The following GAREM2 variants were observed in gnomAD, a reference collection of about 807,000 sequenced individuals.
GAREM2 encodes the protein GRB2 associated regulator of MAPK1 subtype 2, also known as GRB2-associated and regulator of MAPK protein 2.
Under a neutral mutation model 55.6 loss-of-function variants are expected in GAREM2, and 30 were observed. The observed-to-expected ratio is 0.54, with a 90% confidence interval of 0.40 to 0.73. The LOEUF is 0.73. GAREM2 is among the 30% of genes least tolerant of loss of function. The pLI is 0.00. For synonymous variants in GAREM2, 550 were observed against 569.1 expected (o/e 0.97, Z 0.48); for missense variants, 1,075 against 1,257.7 (o/e 0.85, Z 2.20).
chr2:26,178,270 T>TA (rs1668927558), intron 2 of GAREM2, among the ~76,000 whole-genome samples: 1 of 152,138 alleles, frequency 6.6e-6, no homozygotes, highest in Non-Finnish European at 1.5e-5. Flanking sequence ...CTTCTTGGGA[T>TA]AAAAAAAGCA....
At position 26,184,666 on chromosome 2, in the gene GAREM2, C is replaced by A; in HGVS notation, c.818C>A (p.Pro273Gln). The A allele has an allele frequency of 6.5e-7, 1 of 1,544,048 alleles. No individual in the cohort carries two copies. Among genetic ancestry groups the A allele is most frequent in the Non-Finnish European group, 8.7e-7 (1 of 1,144,410 alleles). Reference sequence around the variant, plus strand: ...GTGAACGTGCTGGTGCCCAGCCGGCCGCCGCGCAACCCCTACGACCTGCAC... The same window carrying A: ...GTGAACGTGCTGGTGCCCAGCCGGCAGCCGCGCAACCCCTACGACCTGCAC... Reference protein sequence around the residue: ...LPVNVLVPSRPPRNPYDLHPV... With the variant: ...LPVNVLVPSRQPRNPYDLHPV... Residue 273 changes from proline (P) to glutamine (Q), a missense_variant, in exon 4 of 6, where the codon CCG (proline) becomes CAG (glutamine). Transcript: ENST00000401533.
At chr2:26,193,799 CAG>C (rs763015114), downstream of GAREM2, 12 of 1,596,800 alleles carry the variant, frequency 7.5e-6, no homozygotes, top group African/African-American at 2.7e-5. Context: ...GCAGGGACCT[CAG>C]GGGAAGGGCA....
chr2:26,187,851 C>T lies in GAREM2; in HGVS notation c.2219C>T (p.Ser740Phe). 1 of 1,440,850 alleles carries T rather than the reference C, an allele frequency of 6.9e-7. No homozygotes were observed. The highest frequency in any genetic ancestry group is 9.2e-7 in the Non-Finnish European group (1 of 1,091,998). 89.3% of individuals were successfully genotyped at this position (1,440,850 alleles called of 1,614,324 possible). ...CCCCGCCTTTCACCACTTGGCCCCT[C>T]CAAGGCCTTTGAGCCTGAAGGTTTG... The part of the protein sequence containing the change: ...PGPRLSPLGP[S>F]KAFEPEGLVL... Residue 740 changes from serine (S) to phenylalanine (F), a missense_variant, in exon 6 of 6, where the codon TCC becomes TTC. Ser to Phe is a radical substitution (Grantham distance 155). This residue lies in a region of GAREM2 where 15 missense variants were observed against 31.0 expected (regional missense o/e 0.48). Transcript: ENST00000401533.
intron 4 of GAREM2, among the ~76,000 whole-genome samples, chr2:26,185,772 C>T (rs1669231766): frequency 1.3e-5 from 2 of 152,178 alleles, no homozygotes; most frequent in Admixed American, 6.5e-5. Context: ...CCCATGGAGT[C>T]CTCTTTGGGG....
At chr2:26,197,584 G>A in the GAREM2 span, 66 of 748,540 alleles carry the variant, frequency 8.8e-5, no homozygotes, top group South Asian at 7.4e-4. Flanking sequence ...GGAACCACCC[G>A]CATCCACTCC....
rs372621978 is a variant in GAREM2, at chr2:26,187,510, G to C, written c.1878G>C (p.Pro626=). 6.5e-7 allele frequency: 1 copy of C among 1,541,224 alleles called. No homozygotes were observed. Among genetic ancestry groups the C allele is most frequent in the Admixed American group, 2.0e-5 (1 of 48,996 alleles). ...CACATCCCCAGAAGCGCTTTGCTCC[G>C]TTTGGAGCTCTCAACCCTTTTTCCG... ...KPSHPQKRFA[P]FGALNPFSGP... The change falls in exon 6 of 6, where the codon CCG becomes CCC. Residue 626 remains proline, a synonymous_variant. Coordinates refer to ENST00000401533, the MANE Select transcript of GAREM2 (RefSeq NM_001168241.2).
At chr2:26,195,968 G>GA in the GAREM2 span, among the ~76,000 whole-genome samples, 32 of 152,350 alleles carry the variant, frequency 2.1e-4, no homozygotes, top group African/African-American at 6.7e-4. Context: ...GAACTGTGGT[G>GA]AAAGAAGTCT....
chr2:26,181,994 G>T, intron 2 of GAREM2: 1 of 990,708 alleles, frequency 1.0e-6, no homozygotes, highest in Non-Finnish European at 1.2e-6. Context: ...ACACCCAGAG[G>T]CTAAAGAGTC....
At chr2:26,193,552 G>T (rs766984282), downstream of GAREM2, 3 of 1,574,544 alleles carry the variant, frequency 1.9e-6, no homozygotes, top group Non-Finnish European at 2.6e-6. Context: ...AATGGTGCTA[G>T]TTATGTTTCC....
the GAREM2 span, among the ~76,000 whole-genome samples, chr2:26,202,034 C>T: frequency 6.6e-6 from 1 of 151,276 alleles, no homozygotes. Flanking sequence ...CTCCTGACCT[C>T]GTGTTCCATC....
chr2:26,188,240 TG>T lies in GAREM2; in HGVS notation c.2610del (p.Trp870Ter). 6.7e-7 allele frequency: 1 copy of T among 1,485,160 alleles called. No individual in the cohort carries two copies. Among genetic ancestry groups the T allele is most frequent in the Non-Finnish European group, 9.0e-7 (1 of 1,107,172 alleles). The allele number at this position is 1,485,160 out of a possible 1,614,324, so 92.0% of individuals were successfully genotyped here. A position where few individuals can be genotyped will look rare whatever the true frequency, so the allele number is the denominator to read the frequency against. On this transcript the variant is annotated frameshift_variant, in exon 6 of 6. Coordinates refer to ENST00000401533, the MANE Select transcript of GAREM2 (RefSeq NM_001168241.2). LOFTEE classifies it high-confidence loss of function. The part of the protein sequence containing the change: ...VKKIMQFIKG[W>X]RPKI ...GAAGATCATGCAGTTCATCAAAGGC[TG>T]GAGGCCCAAGATCTGAACTGCCCAG...
At position 26,188,156 on chromosome 2, in the gene GAREM2, G is replaced by A; in HGVS notation, c.2524G>A (p.Val842Met). 6.4e-7 allele frequency: 1 copy of A among 1,550,958 alleles called. No homozygotes were observed. Among genetic ancestry groups the A allele is most frequent in the Non-Finnish European group, 8.7e-7 (1 of 1,146,528 alleles). The change falls in exon 6 of 6, where the codon GTG (valine) becomes ATG (methionine). Residue 842 changes from valine to methionine, a missense_variant. By Grantham distance (21) the Val-to-Met change is conservative. This residue lies in a region of GAREM2 where 142 missense variants were observed against 172.3 expected (regional missense o/e 0.82). Coordinates refer to ENST00000401533, the MANE Select transcript of GAREM2 (RefSeq NM_001168241.2). ...AGAACGCATCGATGGTAGCATCTTT[G>A]TGCAGCTCAGTGAGGACATCCTGGC... ...ARERIDGSIF[V>M]QLSEDILADD... is the part of the protein sequence containing the mutation.
At position 26,186,388 on chromosome 2, in the gene GAREM2, T is replaced by A. The variant is rs1351068375; in HGVS notation, c.1598+30T>A. The stretch of plus-strand genomic sequence containing the variant: ...GTCCCTGCCTTCCCTTGGTCCTGAG[T>A]TCTAAGGTAGATCAAGGCAGGGAAG... On this transcript the variant is annotated intron_variant, in intron 5 of 5. Transcript: ENST00000401533. The A allele has an allele frequency of 7.8e-6, 12 of 1,545,382 alleles. No individual in the cohort carries two copies. The East Asian group carries it at 2.9e-4, about 38-fold the overall frequency.
Position 26,185,195 on chromosome 2 carries a change from T to C in GAREM2, c.1347T>C (p.Asp449=), listed in dbSNP as rs4665833. ...TCGTCCGGCCGCCCCCAGGGCTCGA[T>C]CTCATCTCCTTCGGGGCCGCGGGAC... The part of the protein sequence containing the change: ...EGLVRPPPGL[D]LISFGAAGPP... The change falls in exon 4 of 6, where the codon GAT becomes GAC. Residue 449 remains aspartate (D), a synonymous_variant. Coordinates refer to ENST00000401533, the MANE Select transcript of GAREM2 (RefSeq NM_001168241.2). 0.96 allele frequency: 1,458,984 copies of C among 1,519,412 alleles called. 701,238 individuals carry two copies. Among genetic ancestry groups the C allele is most frequent in the Admixed American group, 0.97 (48,756 of 50,180 alleles). 94.1% of individuals were successfully genotyped at this position (1,519,412 alleles called of 1,614,324 possible). A position where few individuals can be genotyped will look rare whatever the true frequency, so the allele number is the denominator to read the frequency against.
chr2:26,192,008 G>T (rs1000297620), downstream of GAREM2, among the ~76,000 whole-genome samples: 7 of 152,158 alleles, frequency 4.6e-5, no homozygotes, highest in Admixed American at 3.9e-4. Flanking sequence ...GCAGGGGAGG[G>T]CCTTCACCAG....
chr2:26,202,559 G>C, the GAREM2 span, among the ~76,000 whole-genome samples: 1 of 152,162 alleles, frequency 6.6e-6, no homozygotes, highest in Non-Finnish European at 1.5e-5. Context: ...TAACCAACAT[G>C]GTGAAATCCC....
the GAREM2 span, among the ~76,000 whole-genome samples, chr2:26,201,992 G>T: frequency 6.6e-6 from 1 of 150,834 alleles, no homozygotes; most frequent in African/African-American, 2.4e-5. Flanking sequence ...GTAGAGATGG[G>T]GTTTCACCAT....
At chr2:26,190,737 C>CACTT (rs1354812666), downstream of GAREM2, 2 of 200,592 alleles carry the variant, frequency 1.0e-5, no homozygotes, top group African/African-American at 4.7e-5. Context: ...CACCAGGTCC[C>CACTT]ACTTTCTCTC....
chr2:26,174,877 T>C (rs565595568), intron 1 of GAREM2, among the ~76,000 whole-genome samples: 1 of 152,290 alleles, frequency 6.6e-6, no homozygotes. Context: ...TGAGCCATGA[T>C]TACTGCTGTG....
Sources: gnomAD v4.1 joint callset for allele counts (sites outside exome capture counted in the v4.1 genomes callset) on GRCh38, gnomAD v4.1.1 for gene constraint, gnomAD v4.1.1 regional missense constraint, MANE v1.5 for transcripts, NCBI Gene and HGNC (gene_info 2026-07-23, HGNC 2026-07-21) for gene names.